SYNPO2: variants seen among roughly 807,000 people sequenced by gnomAD.
SYNPO2 encodes the protein synaptopodin-2.
In SYNPO2, 56 loss-of-function variants were observed where a neutral mutation model predicts 85.0. The observed-to-expected ratio is 0.66, with a 90% confidence interval of 0.53 to 0.82. SYNPO2 has a LOEUF of 0.82. Ranked by LOEUF, SYNPO2 falls within the 40% of genes least tolerant of loss-of-function variation. SYNPO2 has a pLI of 0.00. For synonymous variants in SYNPO2, 602 were observed against 591.1 expected, an observed-to-expected ratio of 1.02 and a Z score of -0.27; for missense variants, 1,575 against 1,534.2, an observed-to-expected ratio of 1.03 and a Z score of -0.44.
At chr4:118,911,925 T>C (rs1358692750) in intron 1 of SYNPO2, among the ~76,000 whole-genome samples, 1 of 152,168 alleles carries the variant, frequency 6.6e-6, no homozygotes, top group East Asian at 1.9e-4. Flanking sequence ...GTTAAGCCAA[T>C]TGACAGGATC....
At chr4:118,913,483 G>C (rs368225814) in intron 1 of SYNPO2, among the ~76,000 whole-genome samples, 1 of 152,122 alleles carries the variant, frequency 6.6e-6, no homozygotes, top group Admixed American at 6.5e-5. Flanking sequence ...TTGTGAGAAA[G>C]GTCAGTGAAT....
In SYNPO2 at chr4:119,026,694, C is replaced by T. The variant is rs1312830861; in HGVS notation, c.325C>T (p.His109Tyr). The change falls in exon 3 of 5, where the codon CAT (histidine) becomes TAT (tyrosine). Residue 109 changes from histidine (H) to tyrosine (Y), a missense_variant. By Grantham distance (83) the His-to-Tyr change is moderately conservative. Coordinates refer to ENST00000307142, the MANE Select transcript of SYNPO2 (RefSeq NM_133477.3). Reference sequence around the variant, plus strand: ...AAACAAAAACCTCGAGCATCTCACACATGGGGGTTATGTGGAAAGTACCAC... The same window carrying T: ...AAACAAAAACCTCGAGCATCTCACATATGGGGGTTATGTGGAAAGTACCAC... ...NENKNLEHLT[H>Y]GGYVESTTLQ... 5.0e-6 allele frequency: 8 copies of T among 1,614,068 alleles called. No homozygotes were observed. In the South Asian group the frequency reaches 7.7e-5, roughly 16 times the overall value.
At chr4:118,926,261 G>A (rs1733707142) in intron 1 of SYNPO2, among the ~76,000 whole-genome samples, 1 of 152,140 alleles carries the variant, frequency 6.6e-6, no homozygotes, top group Admixed American at 6.6e-5. Flanking sequence ...GTAGGTGATA[G>A]GGAACTATTC....
chr4:119,025,640 T>C (rs1478116642), intron 2 of SYNPO2, among the ~76,000 whole-genome samples: 2 of 152,126 alleles, frequency 1.3e-5, no homozygotes, highest in African/African-American at 4.8e-5. Flanking sequence ...CGTGCCTGCA[T>C]GAGTCATAAC....
intron 1 of SYNPO2, among the ~76,000 whole-genome samples, chr4:118,936,939 A>G (rs1309735708): frequency 2.6e-5 from 4 of 152,158 alleles, no homozygotes; most frequent in African/African-American, 9.6e-5. Flanking sequence ...TGTACATCAA[A>G]TCTACTTCCA....
At chr4:119,010,949 G>T (rs1212053243) in intron 1 of SYNPO2, among the ~76,000 whole-genome samples, 4 of 152,294 alleles carry the variant, frequency 2.6e-5, no homozygotes, top group Admixed American at 2.0e-4. Context: ...CCTCTGCAAG[G>T]CTCTCCTTAG....
Position 119,057,780 on chromosome 4 carries a change from C to G in SYNPO2, c.3632C>G (p.Ser1211Cys). ...GCCAATAATAATATGTCCACCACCT[C>G]CCAATATGGTTCACAGTTGCCATAT... The part of the protein sequence containing the change: ...VTANNNMSTT[S>C]QYGSQLPYAY... The change falls in exon 5 of 5, where the codon TCC becomes TGC. Residue 1211 changes from serine to cysteine, a missense_variant. Transcript: ENST00000307142. 2 of 1,614,046 alleles carry G rather than the reference C, an allele frequency of 1.2e-6. No homozygotes were observed. Among genetic ancestry groups the G allele is most frequent in the Non-Finnish European group, 1.7e-6 (2 of 1,180,018 alleles).
At position 119,022,444 on chromosome 4, in the gene SYNPO2, A is replaced by G. The variant is rs1052517481; in HGVS notation, c.106-986A>G. ...ACCTCCTGGCTCAAACAATCCTCCC[A>G]CTTCTCCTGTGTGGCTAGGATCACA... On this transcript the variant is annotated intron_variant, in intron 1 of 4. Coordinates refer to ENST00000307142, the MANE Select transcript of SYNPO2 (RefSeq NM_133477.3). Among the ~76,000 whole-genome samples the G allele has an allele frequency of 3.6e-5, 5 of 140,412 alleles. No homozygotes were observed. The East Asian group carries it at 1.1e-3, about 31-fold the overall frequency. The allele number at this position is 140,412 out of a possible 152,430, so 92.1% of individuals were successfully genotyped here.
chr4:119,047,023 A>T (rs1033074270), intron 4 of SYNPO2, among the ~76,000 whole-genome samples: 21 of 152,332 alleles, frequency 1.4e-4, no homozygotes, highest in Middle Eastern at 3.4e-3. Flanking sequence ...TTTTGATGTC[A>T]GAGTATGTCC....
rs943511100 is a variant in SYNPO2 at position 118,888,903 on chromosome 4, A to G, written c.-134A>G. 73 of 847,232 alleles carry G rather than the reference A, an allele frequency of 8.6e-5. No individual in the cohort carries two copies. Among genetic ancestry groups the G allele is most frequent in the Middle Eastern group, 3.5e-4 (1 of 2,822 alleles). 52.5% of individuals were successfully genotyped at this position (847,232 alleles called of 1,614,324 possible). A position where few individuals can be genotyped will look rare whatever the true frequency, so the allele number is the denominator to read the frequency against. On this transcript the variant is annotated 5_prime_UTR_variant, in exon 1 of 5. Coordinates refer to ENST00000307142, the MANE Select transcript of SYNPO2 (RefSeq NM_133477.3). ...GGGCGGCGGCTGGGGCAGCGGCTGC[A>G]GCAGCGGCGGACGCTCTGCATTACC...
intron 1 of SYNPO2, among the ~76,000 whole-genome samples, chr4:118,900,727 A>ATC (rs1732719449): frequency 1.0e-5 from 1 of 99,986 alleles, no homozygotes; most frequent in African/African-American, 3.6e-5. Context: ...ATATATATAT[A>ATC]TATATGTCTG....
At chr4:118,904,097 G>A (rs1364357922) in intron 1 of SYNPO2, among the ~76,000 whole-genome samples, 1 of 151,576 alleles carries the variant, frequency 6.6e-6, no homozygotes, top group Non-Finnish European at 1.5e-5. Flanking sequence ...TAGAGCAAAT[G>A]GACTTTCAAT....
At chr4:119,044,886 A>G (rs924940687) in intron 4 of SYNPO2, among the ~76,000 whole-genome samples, 1 of 152,202 alleles carries the variant, frequency 6.6e-6, no homozygotes, top group Non-Finnish European at 1.5e-5. Context: ...TTATGTTGTC[A>G]CACACTGTAT....
At chr4:118,924,306 A>G (rs78798090) in intron 1 of SYNPO2, among the ~76,000 whole-genome samples, 2,017 of 152,346 alleles carry the variant, frequency 0.013, 43 homozygotes, top group African/African-American at 0.045. Context: ...GGAAAGGGTC[A>G]AATGTTAACA....
At chr4:118,931,870 T>G (rs1733942964) in intron 1 of SYNPO2, among the ~76,000 whole-genome samples, 1 of 152,232 alleles carries the variant, frequency 6.6e-6, no homozygotes, top group African/African-American at 2.4e-5. Flanking sequence ...TAAATGTTTG[T>G]CTATTTCCTG....
At chr4:118,984,450 T>C (rs1736143242) in intron 1 of SYNPO2, among the ~76,000 whole-genome samples, 1 of 152,208 alleles carries the variant, frequency 6.6e-6, no homozygotes. Context: ...AACTTCATCA[T>C]ATCGTTCAAA....
rs1410190148 is a variant in SYNPO2 at position 119,061,109 on chromosome 4, C to G, written c.*3175C>G. The G allele has an allele frequency of 1.3e-5, 2 of 152,054 alleles. No individual in the cohort carries two copies. Among genetic ancestry groups the G allele is most frequent in the Non-Finnish European group, 2.9e-5 (2 of 67,990 alleles). 9.4% of individuals were successfully genotyped at this position (152,054 alleles called of 1,614,324 possible). On this transcript the variant is annotated 3_prime_UTR_variant, in exon 5 of 5. Transcript: ENST00000307142. ...AGTACTAATATCTACATGGTCCACA[C>G]TTTTCTATTTTAAAAAATTGTGTTC...
chr4:118,858,533 C>A (rs1331714976), intron 1 of SYNPO2, among the ~76,000 whole-genome samples: 1 of 152,128 alleles, frequency 6.6e-6, no homozygotes, highest in African/African-American at 2.4e-5. Context: ...GCCTGCCACT[C>A]CAGGATGTAG....
intron 1 of SYNPO2, among the ~76,000 whole-genome samples, chr4:119,016,219 C>T (rs1578645325): frequency 6.6e-6 from 1 of 152,086 alleles, no homozygotes; most frequent in Non-Finnish European, 1.5e-5. Flanking sequence ...GTCAGGAGTT[C>T]GAGACCAGCC....
Sources: gnomAD v4.1 joint callset for allele counts (sites outside exome capture counted in the v4.1 genomes callset) on GRCh38, gnomAD v4.1.1 for gene constraint, MANE v1.5 for transcripts, NCBI Gene and HGNC (gene_info 2026-07-23, HGNC 2026-07-21) for gene names.